Variants in TMX3 observed in about 807,000 individuals in gnomAD.
TMX3 encodes the protein thioredoxin related transmembrane protein 3.
Under a neutral mutation model 64.4 loss-of-function variants are expected in TMX3, and 40 were observed. The ratio of observed to expected loss-of-function variants is 0.62; its 90% CI spans 0.48 to 0.81. The LOEUF is 0.81. Among genes scored for constraint, TMX3 ranks in the 30% least tolerant of loss-of-function variants. TMX3 has a pLI of 0.00. For missense variants in TMX3, 497 were observed against 534.5 expected (o/e 0.93, Z 0.69); for synonymous variants, 189 against 175.7 (o/e 1.08, Z -0.60).
chr18:68,702,795 A>G (rs2030245447), intron 4 of TMX3, among the ~76,000 whole-genome samples: 2 of 152,132 alleles, frequency 1.3e-5, no homozygotes, highest in Admixed American at 1.3e-4. Flanking sequence ...TTGGTTTCTC[A>G]TCAACTCACC....
Position 68,711,853 on chromosome 18 carries a change from G to A in TMX3, c.102-450C>T, listed in dbSNP as rs77071790. ...TGATGGCTCAGTGTTCATAAAATGC[G>A]CGTGAGAAATATTGGATTGAGGAAT... On this transcript the variant is annotated intron_variant, in intron 2 of 15. Coordinates refer to ENST00000299608, the MANE Select transcript of TMX3 (RefSeq NM_019022.5). 9.9e-5 allele frequency among the ~76,000 whole-genome samples: 15 copies of A among 152,208 alleles called. No homozygotes were observed. In the East Asian group the frequency reaches 1.7e-3, roughly 18 times the overall value.
In TMX3 at chr18:68,714,926, C is replaced by G. The variant is rs1348628547; in HGVS notation, c.46+10G>C. ...GCCCGCCAGCGTCCCGACCGCTGAG[C>G]CCCCATTACCTGTGGCGCAGAGCCG... On this transcript the variant is annotated intron_variant, in intron 1 of 15. Coordinates refer to ENST00000299608, the MANE Select transcript of TMX3 (RefSeq NM_019022.5). 1.3e-6 allele frequency: 2 copies of G among 1,559,070 alleles called. No homozygotes were observed. The highest frequency in any genetic ancestry group is 1.8e-4 in the Middle Eastern group (1 of 5,706).
In TMX3 at chr18:68,679,450, T is replaced by A; in HGVS notation, c.1104+13A>T. ...CTTCTTCATTATCAATGACATAAAC[T>A]GTCACAACTTACCACAATAGTAGAT... is the stretch of plus-strand genomic sequence containing the variant. On this transcript the variant is annotated intron_variant, in intron 15 of 15. Transcript: ENST00000299608. 6.2e-7 allele frequency: 1 copy of A among 1,603,556 alleles called. No individual in the cohort carries two copies. The highest frequency in any genetic ancestry group is 1.1e-5 in the South Asian group (1 of 89,516).
At chr18:68,687,841 T>A (rs1914112261) in intron 9 of TMX3, 76 bp from the exon 10 acceptor site, 2 of 1,146,048 alleles carry the variant, frequency 1.7e-6, no homozygotes, top group Non-Finnish European at 2.5e-6. Context: ...AATCTGATAA[T>A]AGGTATAAAA....
At chr18:68,691,612 A>G (rs1435500836) in intron 8 of TMX3, among the ~76,000 whole-genome samples, 1 of 152,180 alleles carries the variant, frequency 6.6e-6, no homozygotes, top group Non-Finnish European at 1.5e-5. Context: ...TTACCTGATA[A>G]CAGACTTAAA....
In TMX3 at chr18:68,675,591, T is replaced by A. The variant is rs111665238; in HGVS notation, c.*1342A>T. ...TTTGACCATGCATTACATTATTTTT[T>A]AATAAATGTTCAATAAAATTCTTTA... is the stretch of plus-strand genomic sequence containing the variant. On this transcript the variant is annotated 3_prime_UTR_variant, in exon 16 of 16. Transcript: ENST00000299608. The A allele has an allele frequency of 6.6e-6, 1 of 152,186 alleles. No individual in the cohort carries two copies. Among genetic ancestry groups the A allele is most frequent in the African/African-American group, 2.4e-5 (1 of 41,464 alleles). 9.4% of individuals were successfully genotyped at this position (152,186 alleles called of 1,614,324 possible). A position where few individuals can be genotyped will look rare whatever the true frequency, so the allele number is the denominator to read the frequency against.
rs112163304 is a variant in TMX3, at chr18:68,715,032, C to T, written c.-51G>A. On this transcript the variant is annotated 5_prime_UTR_variant, in exon 1 of 16. Transcript: ENST00000299608. ...TGACTGTGCAAAAGAGGGATAAAGACACTGGGGTCCGCCGCCTGCCCGCCC... is the reference window on the plus strand; with the variant it reads ...TGACTGTGCAAAAGAGGGATAAAGATACTGGGGTCCGCCGCCTGCCCGCCC... The T allele has an allele frequency of 2.9e-3, 4,554 of 1,550,858 alleles. 97 individuals are homozygous for T. The African/African-American group carries it at 0.05, about 17-fold the overall frequency.
intron 5 of TMX3, 72 bp from the exon 6 acceptor site, chr18:68,700,557 A>G: frequency 2.6e-6 from 3 of 1,161,664 alleles, no homozygotes; most frequent in Non-Finnish European, 3.5e-6. Context: ...ATCATTATCT[A>G]TTGTTTCATA....
chr18:68,709,489 T>C (rs73967592), intron 4 of TMX3, among the ~76,000 whole-genome samples: 14,634 of 152,104 alleles, frequency 0.096, 2,030 homozygotes, highest in African/African-American at 0.31. Context: ...AAATGGGTAG[T>C]AGGAGAAATT....
At chr18:68,709,782 G>A (rs2031070572) in intron 4 of TMX3, among the ~76,000 whole-genome samples, 1 of 151,266 alleles carries the variant, frequency 6.6e-6, no homozygotes, top group South Asian at 2.1e-4. Flanking sequence ...TAAACCATCT[G>A]AAGTGGGCTC....
intron 8 of TMX3, among the ~76,000 whole-genome samples, chr18:68,695,976 G>A (rs1367355512): frequency 1.3e-5 from 2 of 152,028 alleles, no homozygotes; most frequent in Admixed American, 6.5e-5. Flanking sequence ...AGGTGTGTTC[G>A]CATTTTGGAC....
intron 6 of TMX3, among the ~76,000 whole-genome samples, chr18:68,699,283 A>G (rs1915441071): frequency 1.3e-5 from 2 of 152,162 alleles, no homozygotes. Flanking sequence ...TTACATCAGG[A>G]GAATCCCTTC....
At chr18:68,685,601 A>G (rs542097183) in intron 10 of TMX3, among the ~76,000 whole-genome samples, 9 of 152,210 alleles carry the variant, frequency 5.9e-5, no homozygotes, top group African/African-American at 2.2e-4. Context: ...ACAGTTTCTC[A>G]CATTTATTAA....
At position 68,691,993 on chromosome 18, in the gene TMX3, A is replaced by G. The variant is rs558251734; in HGVS notation, c.571-632T>C. 2.0e-5 allele frequency among the ~76,000 whole-genome samples: 3 copies of G among 152,334 alleles called. No homozygotes were observed. In the East Asian group the frequency reaches 5.8e-4, roughly 29 times the overall value. On this transcript the variant is annotated intron_variant, in intron 8 of 15. Transcript: ENST00000299608. ...ATGTTAATACTGAAAATAATGACAA[A>G]TAAGTAAATGAGTAGATAATGAAGT... is the stretch of plus-strand genomic sequence containing the variant.
chr18:68,693,086 G>C (rs1210729550), intron 8 of TMX3, among the ~76,000 whole-genome samples: 1 of 152,198 alleles, frequency 6.6e-6, no homozygotes, highest in Non-Finnish European at 1.5e-5. Context: ...TCAGATTCTA[G>C]TCCATTTTAA....
intron 2 of TMX3, among the ~76,000 whole-genome samples, chr18:68,712,025 G>C (rs2031331119): frequency 6.6e-6 from 1 of 152,064 alleles, no homozygotes; most frequent in Non-Finnish European, 1.5e-5. Context: ...AGCATATGAC[G>C]AGCCCATTGT....
At chr18:68,681,924 T>A (rs1220380430) in intron 13 of TMX3, among the ~76,000 whole-genome samples, 1 of 152,188 alleles carries the variant, frequency 6.6e-6, no homozygotes, top group African/African-American at 2.4e-5. Flanking sequence ...TGCTATTATG[T>A]TCTGCCTGAA....
chr18:68,694,734 C>A (rs1914890391), intron 8 of TMX3, among the ~76,000 whole-genome samples: 1 of 152,146 alleles, frequency 6.6e-6, no homozygotes, highest in Non-Finnish European at 1.5e-5. Flanking sequence ...AAATACTTGG[C>A]AAACCAAAAT....
intron 2 of TMX3, among the ~76,000 whole-genome samples, chr18:68,711,648 G>A (rs1488858443): frequency 6.6e-6 from 1 of 152,126 alleles, no homozygotes; most frequent in East Asian, 1.9e-4. Context: ...AGTAGGACTT[G>A]GTAGAAACAC....
Sources: allele counts gnomAD v4.1 joint callset (sites outside exome capture counted in the v4.1 genomes callset), GRCh38; gene constraint gnomAD v4.1.1; transcripts MANE v1.5; gene names NCBI Gene and HGNC (gene_info 2026-07-23, HGNC 2026-07-21).